The following SLC12A2 variants were observed in gnomAD, a reference collection of about 807,000 sequenced individuals.
SLC12A2 encodes solute carrier family 12 member 2.
Under a neutral mutation model 136.3 loss-of-function variants are expected in SLC12A2, and 67 were observed. The ratio of observed to expected loss-of-function variants is 0.49; its 90% CI spans 0.40 to 0.60. SLC12A2 has a LOEUF of 0.60. Ranked by LOEUF, SLC12A2 falls within the 20% of genes least tolerant of loss-of-function variation. The pLI, the probability that SLC12A2 is intolerant of heterozygous loss-of-function variation, is 0.00. For missense variants in SLC12A2, 1,322 were observed against 1,534.7 expected, an observed-to-expected ratio of 0.86 and a Z score of 2.32; for synonymous variants, 619 against 562.9, an observed-to-expected ratio of 1.10 and a Z score of -1.41.
At chr5:128,184,131 T>G (rs1763794326) in intron 24 of SLC12A2, among the ~76,000 whole-genome samples, 1 of 152,022 alleles carries the variant, frequency 6.6e-6, no homozygotes, top group African/African-American at 2.4e-5. Context: ...GATTTCAGAT[T>G]AGGGATGCAC....
chr5:128,161,993 C>G (rs925665511), intron 17 of SLC12A2, among the ~76,000 whole-genome samples, 193 bp downstream of exon 17: 1 of 152,114 alleles, frequency 6.6e-6, no homozygotes, highest in African/African-American at 2.4e-5. Flanking sequence ...AAGTAAACTA[C>G]TTGGATTTGT....
chr5:128,141,776 C>G, intron 9 of SLC12A2, 54 bp from the exon 10 acceptor site: 1 of 1,481,622 alleles, frequency 6.7e-7, no homozygotes. Context: ...ATATAAAATT[C>G]TGAAATGAAT....
intron 1 of SLC12A2, among the ~76,000 whole-genome samples, chr5:128,096,369 A>G (rs1437082057): frequency 6.6e-6 from 1 of 152,120 alleles, no homozygotes; most frequent in African/African-American, 2.4e-5. Flanking sequence ...GAGTTATTGC[A>G]GAATAGTTGG....
At chr5:128,170,571 T>C (rs1418474967) in intron 18 of SLC12A2, 1 of 152,196 alleles carries the variant, frequency 6.6e-6, no homozygotes, top group Admixed American at 6.5e-5. Flanking sequence ...TATGTCTACA[T>C]TGAATACTTA....
chr5:128,101,597 C>T (rs1018312338), intron 1 of SLC12A2, among the ~76,000 whole-genome samples: 1 of 152,108 alleles, frequency 6.6e-6, no homozygotes, highest in South Asian at 2.1e-4. Context: ...AAATAAAGAT[C>T]CCCACTCTGC....
At chr5:128,154,904 C>A (rs770228885) in intron 15 of SLC12A2, among the ~76,000 whole-genome samples, 1 of 152,016 alleles carries the variant, frequency 6.6e-6, no homozygotes, top group Non-Finnish European at 1.5e-5. Context: ...ATTTTAGTAA[C>A]CTTTGCGTAA....
chr5:128,154,309 G>A (rs965497776), intron 15 of SLC12A2, among the ~76,000 whole-genome samples: 7 of 151,746 alleles, frequency 4.6e-5, no homozygotes, highest in African/African-American at 7.3e-5. Flanking sequence ...ACCTGTGGTC[G>A]GGAGACTGAG....
chr5:128,151,136 T>C, intron 13 of SLC12A2, 105 bp from the exon 14 acceptor site: 4 of 942,264 alleles, frequency 4.2e-6, no homozygotes, highest in Non-Finnish European at 6.3e-6. Context: ...CTTAAAGTCC[T>C]CTCAGTGTGG....
At chr5:128,094,434 A>G (rs1353465812) in intron 1 of SLC12A2, among the ~76,000 whole-genome samples, 3 of 152,020 alleles carry the variant, frequency 2.0e-5, no homozygotes, top group African/African-American at 4.8e-5. Context: ...GTCCAAAATC[A>G]TAGACATGCA....
At chr5:128,153,076 G>A (rs1467235934) in intron 15 of SLC12A2, among the ~76,000 whole-genome samples, 1 of 152,118 alleles carries the variant, frequency 6.6e-6, no homozygotes, top group African/African-American at 2.4e-5. Context: ...TTACGTAACT[G>A]TGTAAGTATG....
At position 128,111,566 on chromosome 5, in the gene SLC12A2, C is replaced by A. The variant is rs965639470; in HGVS notation, c.757-1248C>A. Among the ~76,000 whole-genome samples, 5 of 152,066 alleles carry A rather than the reference C, an allele frequency of 3.3e-5. No individual in the cohort carries two copies. The East Asian group carries it at 9.7e-4, about 29-fold the overall frequency. On this transcript the variant is annotated intron_variant, in intron 1 of 26. Transcript: ENST00000262461. ...AGATCACGAGGTCAGGAGATCGAGA[C>A]CATCCTGGCTAAGATGGTGAAACCC...
At chr5:128,120,168 C>G (rs140133943) in intron 4 of SLC12A2, among the ~76,000 whole-genome samples, 1 of 152,132 alleles carries the variant, frequency 6.6e-6, no homozygotes, top group East Asian at 1.9e-4. Context: ...GATACCATCT[C>G]ACACCAGTTA....
intron 15 of SLC12A2, among the ~76,000 whole-genome samples, chr5:128,154,779 T>C (rs757538678): frequency 2.0e-5 from 3 of 152,162 alleles, no homozygotes; most frequent in Admixed American, 1.3e-4. Flanking sequence ...ACTAAGCCCT[T>C]ATTGCACATT....
In SLC12A2 at chr5:128,171,674, T is replaced by C; in HGVS notation, c.2731T>C (p.Phe911Leu). Residue 911 changes from phenylalanine to leucine, a missense_variant, in exon 19 of 27, where the codon TTT (phenylalanine) becomes CTT (leucine). Around this residue, in one of 8 missense-constraint regions of SLC12A2, gnomAD observed 226 missense variants for 210.4 expected, o/e 1.07. Transcript: ENST00000262461. ...TTGTTTTTTTGTTCTTAGTGATGCT[T>C]TTGACATACAATATGGAGTAGTGGT... is the stretch of plus-strand genomic sequence containing the variant. ...DMYINLFHDA[F>L]DIQYGVVVIR... 6.4e-7 allele frequency: 1 copy of C among 1,572,784 alleles called. No homozygotes were observed. Among genetic ancestry groups the C allele is most frequent in the South Asian group, 1.2e-5 (1 of 82,208 alleles).
intron 1 of SLC12A2, among the ~76,000 whole-genome samples, chr5:128,087,035 G>A (rs980872410): frequency 1.3e-5 from 2 of 152,324 alleles, no homozygotes; most frequent in Middle Eastern, 3.4e-3. Flanking sequence ...AACTACAGAA[G>A]AAGAAAAGAA....
chr5:128,183,882 T>A (rs1042964197), intron 24 of SLC12A2, among the ~76,000 whole-genome samples: 2 of 152,004 alleles, frequency 1.3e-5, no homozygotes, highest in South Asian at 4.1e-4. Flanking sequence ...AACAGTGAGA[T>A]CAGCTTTAGC....
intron 15 of SLC12A2, among the ~76,000 whole-genome samples, chr5:128,154,565 C>T (rs1476233214): frequency 6.6e-6 from 1 of 152,148 alleles, no homozygotes; most frequent in African/African-American, 2.4e-5. Context: ...CTCACAACTA[C>T]AGGTAACCAT....
chr5:128,094,111 A>C (rs552577581), intron 1 of SLC12A2, among the ~76,000 whole-genome samples: 2 of 151,574 alleles, frequency 1.3e-5, no homozygotes, highest in African/African-American at 4.8e-5. Context: ...TTTTCCCTTA[A>C]TGGCTTTAGT....
intron 1 of SLC12A2, chr5:128,109,604 G>T (rs1761070821): frequency 1.3e-6 from 1 of 745,044 alleles, no homozygotes; most frequent in East Asian, 2.5e-5. Flanking sequence ...GTTAAAAGCA[G>T]ACATCGTCCT....
Sources: gnomAD v4.1 joint callset for allele counts (sites outside exome capture counted in the v4.1 genomes callset) on GRCh38, gnomAD v4.1.1 for gene constraint, gnomAD v4.1.1 regional missense constraint, MANE v1.5 for transcripts, NCBI Gene and HGNC (gene_info 2026-07-23, HGNC 2026-07-21) for gene names.